TRAPPC9: variants seen among roughly 807,000 people sequenced by gnomAD.
TRAPPC9 encodes IKK2 binding protein.
TRAPPC9 carries 83 observed loss-of-function variants against 124.0 expected under a neutral mutation model. The observed-to-expected ratio is 0.67, with a 90% CI of 0.56 to 0.80. TRAPPC9 has a LOEUF of 0.80. Among genes scored for constraint, TRAPPC9 ranks in the 30% least tolerant of loss-of-function variants. The probability of loss-of-function intolerance (pLI) is 0.00; values close to 1 mark genes in which losing one functional copy is unlikely to be tolerated. For missense variants in TRAPPC9, 1,302 were observed against 1,508.3 expected (o/e 0.86, Z 2.27); for synonymous variants, 638 against 617.5 (o/e 1.03, Z -0.49).
intron 21 of TRAPPC9, among the ~76,000 whole-genome samples, chr8:139,868,736 A>C (rs1349775755): frequency 6.6e-6 from 1 of 152,150 alleles, no homozygotes; most frequent in East Asian, 1.9e-4. Flanking sequence ...TTCTTCATCA[A>C]ATATTTATTG....
chr8:139,753,311 TCCATCCA>T (rs1819488904), intron 21 of TRAPPC9, among the ~76,000 whole-genome samples: 1 of 148,330 alleles, frequency 6.7e-6, no homozygotes, highest in African/African-American at 2.5e-5. Flanking sequence ...CGTCCATCCA[TCCATCCA>T]CCATCCACCC....
intron 19 of TRAPPC9, among the ~76,000 whole-genome samples, chr8:139,918,946 C>T (rs1178742351): frequency 4.6e-5 from 7 of 152,242 alleles, no homozygotes; most frequent in Non-Finnish European, 7.4e-5. Context: ...CTGCTTGGCC[C>T]GCTGGGTCCA....
rs562860075 is a variant in TRAPPC9, at chr8:140,372,420, G to A, written c.1135-1240C>T. ...CTGCCATGGCCTCGATGGGGCCCTC[G>A]TCAGCCCTCATCTGGAAGAGGAATC... On this transcript the variant is annotated intron_variant, in intron 7 of 22. Transcript: ENST00000438773. 1.3e-4 allele frequency among the ~76,000 whole-genome samples: 20 copies of A among 152,128 alleles called. No individual in the cohort carries two copies. The East Asian group carries it at 2.1e-3, about 16-fold the overall frequency.
At chr8:140,276,551 C>T (rs1039994315) in intron 14 of TRAPPC9, among the ~76,000 whole-genome samples, 3 of 152,202 alleles carry the variant, frequency 2.0e-5, no homozygotes, top group Non-Finnish European at 2.9e-5. Flanking sequence ...TGTGAGCCCT[C>T]ACCTGACTTC....
intron 9 of TRAPPC9, among the ~76,000 whole-genome samples, chr8:140,314,203 T>C (rs1282365049): frequency 1.3e-5 from 2 of 152,240 alleles, no homozygotes; most frequent in African/African-American, 4.8e-5. Flanking sequence ...TGGAAAACTA[T>C]TGCCCTGTGA....
intron 17 of TRAPPC9, among the ~76,000 whole-genome samples, chr8:140,209,227 A>G (rs1380058985): frequency 1.3e-5 from 2 of 152,096 alleles, no homozygotes; most frequent in Admixed American, 6.5e-5. Flanking sequence ...TCCACGTGGT[A>G]TTTGTTTGCT....
chr8:140,344,203 G>A (rs1235753768), intron 9 of TRAPPC9, among the ~76,000 whole-genome samples: 1 of 152,162 alleles, frequency 6.6e-6, no homozygotes, highest in Non-Finnish European at 1.5e-5. Context: ...GCCAGGAAGT[G>A]GCCCTCACAG....
chr8:140,120,248 A>G (rs1025175995), intron 17 of TRAPPC9, among the ~76,000 whole-genome samples: 35 of 152,170 alleles, frequency 2.3e-4, no homozygotes, highest in African/African-American at 7.7e-4. Flanking sequence ...CCTTCAGCTC[A>G]AAGTATGGTG....
intron 17 of TRAPPC9, among the ~76,000 whole-genome samples, chr8:140,163,913 AAGG>A (rs1462437840): frequency 6.6e-6 from 1 of 152,360 alleles, no homozygotes; most frequent in South Asian, 2.1e-4. Flanking sequence ...AACAAATGGA[AAGG>A]AGGAGAAATT....
intron 18 of TRAPPC9, among the ~76,000 whole-genome samples, chr8:139,994,049 C>A (rs1433654534): frequency 6.6e-6 from 1 of 152,148 alleles, no homozygotes; most frequent in Non-Finnish European, 1.5e-5. Flanking sequence ...GTTTCTTATA[C>A]TTGAAATGTC....
At chr8:139,946,931 G>A (rs1834267436) in intron 19 of TRAPPC9, among the ~76,000 whole-genome samples, 1 of 152,060 alleles carries the variant, frequency 6.6e-6, no homozygotes, top group African/African-American at 2.4e-5. Flanking sequence ...AGGTTGCAGT[G>A]AGCTGAGATT....
chr8:140,243,963 G>A (rs573191760), intron 16 of TRAPPC9, among the ~76,000 whole-genome samples: 85 of 152,348 alleles, frequency 5.6e-4, no homozygotes, highest in Non-Finnish European at 1.0e-3. Context: ...CAGCTCAGCA[G>A]CGGCCTCAGG....
At chr8:140,457,756 C>G, upstream of TRAPPC9, 2 of 997,408 alleles carry the variant, frequency 2.0e-6, no homozygotes, top group South Asian at 8.7e-5. Flanking sequence ...GCGGCCGAGC[C>G]GGCGCTGCTC....
intron 16 of TRAPPC9, among the ~76,000 whole-genome samples, chr8:140,245,259 C>T (rs756347309): frequency 8.5e-5 from 13 of 152,206 alleles, no homozygotes; most frequent in Admixed American, 5.9e-4. Context: ...TAGAAGCCCT[C>T]GATTTGCCCA....
At chr8:139,999,129 T>C (rs1467025094) in intron 18 of TRAPPC9, among the ~76,000 whole-genome samples, 1 of 152,026 alleles carries the variant, frequency 6.6e-6, no homozygotes, top group Non-Finnish European at 1.5e-5. Context: ...ATACCAAGAA[T>C]TACATTAAAT....
chr8:140,436,216 C>T (rs1390589966), intron 3 of TRAPPC9, among the ~76,000 whole-genome samples: 2 of 152,142 alleles, frequency 1.3e-5, no homozygotes, highest in South Asian at 2.1e-4. Flanking sequence ...CATGATAAAA[C>T]ACACCTGTAG....
intron 4 of TRAPPC9, among the ~76,000 whole-genome samples, chr8:140,430,146 CAAA>C (rs765983225): frequency 2.0e-5 from 2 of 100,420 alleles, no homozygotes; most frequent in Admixed American, 1.0e-4. Flanking sequence ...GACTCCATCC[CAAA>C]AAAAAAAAAA....
intron 21 of TRAPPC9, among the ~76,000 whole-genome samples, chr8:139,856,530 T>G (rs185553887): frequency 6.6e-6 from 1 of 152,210 alleles, no homozygotes; most frequent in African/African-American, 2.4e-5. Flanking sequence ...TGGGACAATG[T>G]CCTCTCAGCT....
intron 21 of TRAPPC9, among the ~76,000 whole-genome samples, chr8:139,828,145 G>A (rs548770326): frequency 1.4e-4 from 21 of 152,220 alleles, no homozygotes; most frequent in African/African-American, 4.1e-4. Context: ...CTTCCCCGAT[G>A]GGTCTGGCTG....
Sources: allele counts gnomAD v4.1 joint callset (sites outside exome capture counted in the v4.1 genomes callset), GRCh38; gene constraint gnomAD v4.1.1; transcripts MANE v1.5; gene names NCBI Gene and HGNC (gene_info 2026-07-23, HGNC 2026-07-21).